Variants in EYA1 observed in about 807,000 individuals in gnomAD.
EYA1 encodes protein phosphatase EYA1.
In EYA1, 16 loss-of-function variants were observed where a neutral mutation model predicts 82.0. The observed-to-expected ratio is 0.20, with a 90% CI of 0.13 to 0.30. The LOEUF (loss-of-function observed/expected upper bound fraction) is 0.30, where lower values mean the gene tolerates loss of function less well. EYA1 is among the 10% of genes least tolerant of loss of function. The pLI is 1.00. For synonymous variants in EYA1, 261 were observed against 264.4 expected (o/e 0.99, Z 0.12); for missense variants, 633 against 730.7 (o/e 0.87, Z 1.54).
intron 11 of EYA1, among the ~76,000 whole-genome samples, chr8:71,245,895 C>G (rs1163575684): frequency 1.3e-5 from 2 of 152,104 alleles, no homozygotes; most frequent in African/African-American, 4.8e-5. Context: ...CACAGTGCAC[C>G]GTGGTTTCTA....
intron 2 of EYA1, among the ~76,000 whole-genome samples, chr8:71,423,615 A>C (rs1276097652): frequency 2.0e-5 from 3 of 152,232 alleles, no homozygotes; most frequent in Admixed American, 2.0e-4. Flanking sequence ...ATAAAGGATT[A>C]GTCATCCACG....
chr8:71,319,288 G>A (rs562808309), intron 6 of EYA1, among the ~76,000 whole-genome samples: 3 of 151,866 alleles, frequency 2.0e-5, no homozygotes, highest in East Asian at 1.9e-4. Flanking sequence ...CCGCCACCAC[G>A]CCTGGCTAAT....
At chr8:71,411,831 G>A (rs1786581989) in intron 2 of EYA1, among the ~76,000 whole-genome samples, 2 of 146,404 alleles carry the variant, frequency 1.4e-5, no homozygotes, top group Non-Finnish European at 1.5e-5. Context: ...CGATTCCTCA[G>A]GGATCTAGAA....
At chr8:71,523,965 A>G (rs192892013) in intron 2 of EYA1, among the ~76,000 whole-genome samples, 10 of 152,336 alleles carry the variant, frequency 6.6e-5, no homozygotes, top group African/African-American at 2.2e-4. Flanking sequence ...AATAGTGAGT[A>G]CACTTCTTTC....
chr8:71,310,058 C>A (rs551248002), intron 7 of EYA1, among the ~76,000 whole-genome samples: 1 of 152,270 alleles, frequency 6.6e-6, no homozygotes, highest in East Asian at 1.9e-4. Flanking sequence ...GATCCTGACA[C>A]CTTCCCTGGT....
intron 12 of EYA1, among the ~76,000 whole-genome samples, chr8:71,241,215 G>A (rs115787762): frequency 6.6e-6 from 1 of 151,660 alleles, no homozygotes; most frequent in South Asian, 2.1e-4. Context: ...TCTCCTTTTT[G>A]TTTTTCCTGG....
chr8:71,328,789 T>C (rs1279932610), intron 4 of EYA1, among the ~76,000 whole-genome samples: 1 of 152,122 alleles, frequency 6.6e-6, no homozygotes, highest in African/African-American at 2.4e-5. Context: ...TCACCCTGGG[T>C]TATACATCCA....
intron 12 of EYA1, among the ~76,000 whole-genome samples, chr8:71,244,385 A>G (rs1395393356): frequency 2.0e-5 from 3 of 152,228 alleles, no homozygotes; most frequent in Non-Finnish European, 2.9e-5. Flanking sequence ...TCAAATTTTA[A>G]TCTTTACTAC....
intron 3 of EYA1, among the ~76,000 whole-genome samples, chr8:71,353,704 G>A (rs1400081359): frequency 6.6e-6 from 1 of 151,976 alleles, no homozygotes; most frequent in African/African-American, 2.4e-5. Flanking sequence ...ATACATATTG[G>A]AATATCACAC....
Position 71,302,482 on chromosome 8 carries a change from T to C in EYA1, c.557-2762A>G, listed in dbSNP as rs146843436. Among the ~76,000 whole-genome samples the C allele has an allele frequency of 5.9e-3, 903 of 152,112 alleles. 9 individuals carry two copies. The highest frequency in any genetic ancestry group is 0.015 in the Admixed American group (224 of 15,262). ...ACTGTACATTAGCTGGAATTCAACA[T>C]AAGTTATACTCATTTGCTGGCTGAC... On this transcript the variant is annotated intron_variant, in intron 7 of 17. Coordinates refer to ENST00000340726, the MANE Select transcript of EYA1 (RefSeq NM_000503.6).
At chr8:71,483,736 G>A (rs1348753866) in intron 2 of EYA1, among the ~76,000 whole-genome samples, 1 of 152,062 alleles carries the variant, frequency 6.6e-6, no homozygotes, top group Non-Finnish European at 1.5e-5. Context: ...ATTGAAAGCA[G>A]TGATGCAATG....
intron 2 of EYA1, among the ~76,000 whole-genome samples, chr8:71,462,902 G>A (rs910656018): frequency 3.3e-5 from 5 of 152,168 alleles, no homozygotes; most frequent in African/African-American, 7.2e-5. Context: ...TGCAGCCAGC[G>A]TGATGGCAGC....
chr8:71,537,172 T>C (rs1174406412), intron 1 of EYA1, among the ~76,000 whole-genome samples: 3 of 152,218 alleles, frequency 2.0e-5, no homozygotes, highest in Non-Finnish European at 4.4e-5. Context: ...TGATGCTTTT[T>C]GGACAACATA....
intron 2 of EYA1, among the ~76,000 whole-genome samples, chr8:71,511,124 C>T (rs1251212469): frequency 6.6e-6 from 1 of 152,042 alleles, no homozygotes; most frequent in African/African-American, 2.4e-5. Context: ...CTGCCCTATA[C>T]ATAAAGGCAA....
chr8:71,215,776 T>G (rs1224471928), intron 14 of EYA1, 48 bp from the exon 15 acceptor site: 3 of 1,297,182 alleles, frequency 2.3e-6, no homozygotes, highest in Non-Finnish European at 3.4e-6. Flanking sequence ...CCAACATATT[T>G]CTTCGGCTTT....
intron 2 of EYA1, among the ~76,000 whole-genome samples, chr8:71,534,637 C>T (rs565327826): frequency 2.6e-5 from 4 of 152,246 alleles, no homozygotes; most frequent in Admixed American, 1.3e-4. Context: ...TCATCCTCAG[C>T]CAACTAGCAC....
intron 9 of EYA1, among the ~76,000 whole-genome samples, chr8:71,292,145 T>C (rs1001547978): frequency 6.6e-6 from 1 of 152,126 alleles, no homozygotes; most frequent in Non-Finnish European, 1.5e-5. Flanking sequence ...AGTATTTCTA[T>C]CACTCTTTTG....
chr8:71,475,231 T>G (rs1809562538), intron 2 of EYA1, among the ~76,000 whole-genome samples: 1 of 152,218 alleles, frequency 6.6e-6, no homozygotes, highest in Non-Finnish European at 1.5e-5. Context: ...TATATAATAG[T>G]GTGTGTAGCT....
intron 2 of EYA1, among the ~76,000 whole-genome samples, chr8:71,436,962 T>C (rs975380270): frequency 4.0e-5 from 6 of 151,836 alleles, no homozygotes; most frequent in African/African-American, 1.4e-4. Context: ...GACATTTATA[T>C]TTCATCTTTA....
Sources: gnomAD v4.1 joint callset for allele counts (sites outside exome capture counted in the v4.1 genomes callset) on GRCh38, gnomAD v4.1.1 for gene constraint, MANE v1.5 for transcripts, NCBI Gene and HGNC (gene_info 2026-07-23, HGNC 2026-07-21) for gene names.